Variants in WWOX observed in about 807,000 individuals in gnomAD.
WWOX encodes the protein WW domain-containing oxidoreductase.
In WWOX, 69 loss-of-function variants were observed where a neutral mutation model predicts 46.2. The ratio of observed to expected loss-of-function variants is 1.49; its 90% CI spans 1.23 to 1.82. The LOEUF (loss-of-function observed/expected upper bound fraction) is 1.82. Ranked by LOEUF, WWOX falls within the 40% of genes most tolerant of loss-of-function variation. The probability of loss-of-function intolerance (pLI) is 0.00; values close to 1 mark genes in which losing one functional copy is unlikely to be tolerated. For synonymous variants in WWOX, 359 were observed against 202.6 expected (o/e 1.77, Z -6.56); for missense variants, 919 against 542.6 (o/e 1.69, Z -6.89).
intron 8 of WWOX, among the ~76,000 whole-genome samples, chr16:78,932,596 C>T (rs1285017124): frequency 6.6e-6 from 1 of 152,202 alleles, no homozygotes; most frequent in East Asian, 1.9e-4. Context: ...TCAAGAGGTG[C>T]CGACCAAGCG....
chr16:79,165,451 A>G (rs2050575095), intron 8 of WWOX, among the ~76,000 whole-genome samples: 1 of 152,218 alleles, frequency 6.6e-6, no homozygotes, highest in South Asian at 2.1e-4. Flanking sequence ...TGCTTCATAA[A>G]TGTCTATAAA....
chr16:78,182,793 A>G (rs8057046), intron 5 of WWOX, among the ~76,000 whole-genome samples: 25,174 of 151,796 alleles, frequency 0.17, 2,159 homozygotes, highest in Middle Eastern at 0.21. Context: ...TCTACTAAAA[A>G]TACAAAAATT....
At chr16:78,945,005 C>A (rs999478082) in intron 8 of WWOX, among the ~76,000 whole-genome samples, 3 of 152,044 alleles carry the variant, frequency 2.0e-5, no homozygotes, top group African/African-American at 7.2e-5. Flanking sequence ...ATGGTGAAAC[C>A]CCATCTCTAC....
At chr16:78,586,208 T>G (rs1207718194) in intron 8 of WWOX, among the ~76,000 whole-genome samples, 1 of 152,128 alleles carries the variant, frequency 6.6e-6, no homozygotes, top group East Asian at 1.9e-4. Context: ...AAAAGAAACA[T>G]TTAATTAAAA....
intron 8 of WWOX, among the ~76,000 whole-genome samples, chr16:78,936,955 A>C (rs2045750690): frequency 6.6e-6 from 1 of 152,194 alleles, no homozygotes; most frequent in Non-Finnish European, 1.5e-5. Context: ...ATGCTTTTTA[A>C]AGCATATTAA....
At chr16:79,204,726 C>G (rs984322343) in intron 8 of WWOX, 3 of 152,218 alleles carry the variant, frequency 2.0e-5, no homozygotes, top group Admixed American at 6.5e-5. Flanking sequence ...CATGCCTTGG[C>G]CTTCCCAGAA....
intron 8 of WWOX, among the ~76,000 whole-genome samples, chr16:78,812,756 G>C (rs1412651907): frequency 1.3e-5 from 2 of 151,764 alleles, no homozygotes; most frequent in African/African-American, 2.4e-5. Context: ...TCTATCCAAA[G>C]GCCTTGACTA....
chr16:78,179,556 C>T (rs1336264842), intron 5 of WWOX, among the ~76,000 whole-genome samples: 4 of 152,008 alleles, frequency 2.6e-5, no homozygotes, highest in Non-Finnish European at 4.4e-5. Context: ...TTATTAAATT[C>T]TTATTTTTAT....
At chr16:78,403,711 T>G (rs1453411522) in intron 6 of WWOX, among the ~76,000 whole-genome samples, 8 of 152,226 alleles carry the variant, frequency 5.3e-5, no homozygotes, top group African/African-American at 1.9e-4. Flanking sequence ...CTCCCCAGAT[T>G]GTCCCACAAG....
chr16:79,212,087 G>C lies in WWOX; in HGVS notation c.*291G>C. ...GGTGTGTAGGTTCCGTATCTCCCTG[G>C]AGAAGCACCAGCAATTCTCTTTCTT... is the stretch of plus-strand genomic sequence containing the variant. On this transcript the variant is annotated 3_prime_UTR_variant, in exon 9 of 9. Coordinates refer to ENST00000566780, the MANE Select transcript of WWOX (RefSeq NM_016373.4). The C allele has an allele frequency of 1.3e-6, 2 of 1,536,254 alleles. No individual in the cohort carries two copies. The highest frequency in any genetic ancestry group is 1.7e-6 in the Non-Finnish European group (2 of 1,146,912).
At chr16:79,094,552 A>G (rs1448507780) in intron 8 of WWOX, among the ~76,000 whole-genome samples, 1 of 152,038 alleles carries the variant, frequency 6.6e-6, no homozygotes, top group East Asian at 1.9e-4. Flanking sequence ...GCACCAGGCC[A>G]TTTCCTCAGT....
intron 5 of WWOX, among the ~76,000 whole-genome samples, chr16:78,299,462 T>A (rs530230675): frequency 3.9e-5 from 6 of 152,256 alleles, no homozygotes; most frequent in Admixed American, 3.9e-4. Flanking sequence ...TCTCCCTAAT[T>A]TCTGCACATC....
chr16:78,841,666 C>T (rs113608380), intron 8 of WWOX, among the ~76,000 whole-genome samples: 1,823 of 152,190 alleles, frequency 0.012, 20 homozygotes, highest in Middle Eastern at 0.037. Flanking sequence ...TGAATCCAAA[C>T]CTATAAGTAG....
At chr16:78,248,864 C>CTTTT (rs869134108) in intron 5 of WWOX, among the ~76,000 whole-genome samples, 5 of 117,400 alleles carry the variant, frequency 4.3e-5, no homozygotes, top group East Asian at 2.6e-4. Flanking sequence ...GCCCCCCGGC[C>CTTTT]TTTTTTTTTT....
intron 8 of WWOX, among the ~76,000 whole-genome samples, chr16:78,468,772 G>A (rs2667547): frequency 0.38 from 57,784 of 152,054 alleles, 13,381 homozygotes; most frequent in African/African-American, 0.66. Flanking sequence ...ATGAGTTGGA[G>A]TGGGATACAG....
At chr16:78,627,922 A>G (rs1032533807) in intron 8 of WWOX, among the ~76,000 whole-genome samples, 2 of 152,338 alleles carry the variant, frequency 1.3e-5, no homozygotes, top group Middle Eastern at 6.8e-3. Flanking sequence ...CTTGTCTGGA[A>G]TCTTGTTTTC....
At chr16:79,118,359 A>G (rs79533139) in intron 8 of WWOX, among the ~76,000 whole-genome samples, 207 of 152,342 alleles carry the variant, frequency 1.4e-3, no homozygotes, top group African/African-American at 4.8e-3. Context: ...TGGTGCCCCA[A>G]AAAATGACAA....
At chr16:78,767,482 C>CTTTG (rs112211474) in intron 8 of WWOX, among the ~76,000 whole-genome samples, 1 of 143,036 alleles carries the variant, frequency 7.0e-6, no homozygotes, top group South Asian at 2.1e-4. Context: ...GTGTGTGTGT[C>CTTTG]TGTGTGTGTG....
chr16:78,631,507 A>G (rs1166400268), intron 8 of WWOX, among the ~76,000 whole-genome samples: 1 of 150,072 alleles, frequency 6.7e-6, no homozygotes, highest in Non-Finnish European at 1.5e-5. Flanking sequence ...TTATGAGATT[A>G]TGTTCAACAG....
Sources: gnomAD v4.1 joint callset for allele counts (sites outside exome capture counted in the v4.1 genomes callset) on GRCh38, gnomAD v4.1.1 for gene constraint, MANE v1.5 for transcripts, NCBI Gene and HGNC (gene_info 2026-07-23, HGNC 2026-07-21) for gene names.